Variants in ANKRD17 observed in about 807,000 individuals in gnomAD.
The protein encoded by ANKRD17 is ankyrin repeat domain 17.
In ANKRD17, 19 loss-of-function variants were observed where a neutral mutation model predicts 229.7. The ratio of observed to expected loss-of-function variants is 0.08; its 90% CI spans 0.06 to 0.12. The LOEUF (loss-of-function observed/expected upper bound fraction) is 0.12, where lower values mean the gene tolerates loss of function less well. Ranked by LOEUF, ANKRD17 falls within the 10% of genes least tolerant of loss-of-function variation. The pLI, the probability that ANKRD17 is intolerant of heterozygous loss-of-function variation, is 1.00. For missense variants in ANKRD17, 2,176 were observed against 3,176.8 expected, an observed-to-expected ratio of 0.68 and a Z score of 7.57; for synonymous variants, 1,112 against 1,146.1, an observed-to-expected ratio of 0.97 and a Z score of 0.60.
At chr4:73,232,880 G>A (rs1462572142) in intron 1 of ANKRD17, among the ~76,000 whole-genome samples, 3 of 151,882 alleles carry the variant, frequency 2.0e-5, no homozygotes, top group Non-Finnish European at 2.9e-5. Context: ...CAGCTACCAC[G>A]CCCAGCTAAT....
At chr4:73,104,351 T>C (rs1724361948) in intron 24 of ANKRD17, among the ~76,000 whole-genome samples, 1 of 152,154 alleles carries the variant, frequency 6.6e-6, no homozygotes, top group South Asian at 2.1e-4. Context: ...ATTTGAGCCT[T>C]GCTTATGTGT....
rs1721113840 is a variant in ANKRD17, at chr4:73,077,490, G to C, written c.7452C>G (p.Ile2484Met). ...WCNPGMGNPM[I>M]HRPMSDPGVF... The stretch of plus-strand genomic sequence containing the variant: ...CTCCTGGGTCAGACATCGGTCTGTG[G>C]ATCATAGGATTTCCCATCCCAGGGT... Residue 2484 changes from isoleucine (I) to methionine (M), a missense_variant, in exon 32 of 34, where the codon ATC (isoleucine) becomes ATG (methionine). Physicochemically the swap from Ile to Met is conservative, Grantham distance 10 (BLOSUM62 1). This residue lies in a region of ANKRD17 where 159 missense variants were observed against 214.3 expected (regional missense o/e 0.74). Transcript: ENST00000358602. 6.2e-7 allele frequency: 1 copy of C among 1,612,314 alleles called. No individual in the cohort carries two copies. Among genetic ancestry groups the C allele is most frequent in the Non-Finnish European group, 8.5e-7 (1 of 1,179,282 alleles).
At chr4:73,166,240 A>G (rs1385288044) in intron 2 of ANKRD17, among the ~76,000 whole-genome samples, 1 of 152,254 alleles carries the variant, frequency 6.6e-6, no homozygotes, top group Non-Finnish European at 1.5e-5. Flanking sequence ...AGAAAATCTT[A>G]AATATGAAAA....
intron 15 of ANKRD17, among the ~76,000 whole-genome samples, chr4:73,138,815 A>G (rs939382803): frequency 6.6e-6 from 1 of 152,154 alleles, no homozygotes; most frequent in Non-Finnish European, 1.5e-5. Context: ...AGAAGCATAA[A>G]AACAGTCTTC....
At chr4:73,256,141 C>T (rs1482185551) in intron 1 of ANKRD17, among the ~76,000 whole-genome samples, 1 of 152,124 alleles carries the variant, frequency 6.6e-6, no homozygotes, top group East Asian at 1.9e-4. Context: ...AGAAATACTA[C>T]CATAGTTGGT....
intron 24 of ANKRD17, among the ~76,000 whole-genome samples, chr4:73,111,405 G>A (rs2148652564): frequency 6.6e-6 from 1 of 152,262 alleles, no homozygotes; most frequent in South Asian, 2.1e-4. Flanking sequence ...TCATGTCCCA[G>A]GTGGGACAGA....
chr4:73,129,062 A>G (rs1350617050), intron 16 of ANKRD17, among the ~76,000 whole-genome samples: 2 of 152,218 alleles, frequency 1.3e-5, no homozygotes, highest in Non-Finnish European at 2.9e-5. Flanking sequence ...TCAAGAAGTT[A>G]TATTCCTTGT....
At chr4:73,171,971 AG>A (rs1329527816) in intron 2 of ANKRD17, among the ~76,000 whole-genome samples, 1 of 152,198 alleles carries the variant, frequency 6.6e-6, no homozygotes, top group Non-Finnish European at 1.5e-5. Flanking sequence ...CTTAAAGAGG[AG>A]GTAAAGAAAG....
chr4:73,133,981 G>A (rs910875621), intron 16 of ANKRD17, among the ~76,000 whole-genome samples: 1 of 152,186 alleles, frequency 6.6e-6, no homozygotes, highest in African/African-American at 2.4e-5. Flanking sequence ...GATATTAAGA[G>A]TAGCTACATC....
intron 18 of ANKRD17, among the ~76,000 whole-genome samples, 176 bp downstream of exon 18, chr4:73,124,737 G>C (rs1019541754): frequency 1.3e-5 from 2 of 152,118 alleles, no homozygotes; most frequent in Non-Finnish European, 2.9e-5. Flanking sequence ...TGATTTTTCT[G>C]GCAAGATAGC....
intron 1 of ANKRD17, among the ~76,000 whole-genome samples, chr4:73,199,864 A>T (rs554930685): frequency 2.0e-5 from 3 of 152,322 alleles, no homozygotes; most frequent in Non-Finnish European, 4.4e-5. Context: ...ACATTAGTAT[A>T]TGTCCTTTCT....
intron 2 of ANKRD17, among the ~76,000 whole-genome samples, chr4:73,167,480 C>T (rs1284235182): frequency 6.6e-6 from 1 of 152,186 alleles, no homozygotes; most frequent in Non-Finnish European, 1.5e-5. Context: ...TTCCGTGTAA[C>T]ATCTTTGAAT....
chr4:73,150,466 C>T (rs150356171), intron 7 of ANKRD17, among the ~76,000 whole-genome samples: 4 of 152,132 alleles, frequency 2.6e-5, no homozygotes, highest in African/African-American at 9.6e-5. Context: ...CTCATTTAAT[C>T]CTCACAACTC....
intron 24 of ANKRD17, 75 bp from the exon 25 acceptor site, chr4:73,102,622 A>G: frequency 6.7e-7 from 1 of 1,495,286 alleles, no homozygotes; most frequent in Non-Finnish European, 9.0e-7. Context: ...TAATCATTTA[A>G]TCATAAGGAA....
rs143868014 is a variant in ANKRD17 at position 73,078,827 on chromosome 4, G to C, written c.7223C>G (p.Pro2408Arg). Residue 2408 changes from proline to arginine, a missense_variant, in exon 31 of 34, where the codon CCG (proline) becomes CGG (arginine). Pro to Arg is a moderately radical substitution (Grantham distance 103, BLOSUM62 -2). Around this residue, in one of 18 missense-constraint regions of ANKRD17, gnomAD observed 87 missense variants for 116.0 expected, o/e 0.75. Coordinates refer to ENST00000358602, the MANE Select transcript of ANKRD17 (RefSeq NM_032217.5). ...ATTGCTGGGCTTTTCTGACCCTAAC[G>C]GTACTGATGATGGGGCAGGAGATGG... ...RAPSPAPSSV[P>R]LGSEKPSNVS... 1 of 1,613,966 alleles carries C rather than the reference G, an allele frequency of 6.2e-7. No homozygotes were observed. Among genetic ancestry groups the C allele is most frequent in the Non-Finnish European group, 8.5e-7 (1 of 1,180,008 alleles).
intron 33 of ANKRD17, 79 bp downstream of exon 33, chr4:73,076,861 A>G: frequency 6.8e-7 from 1 of 1,479,374 alleles, no homozygotes; most frequent in Non-Finnish European, 9.1e-7. Flanking sequence ...TCTTGCTATC[A>G]TGAGTTACCT....
intron 1 of ANKRD17, among the ~76,000 whole-genome samples, chr4:73,184,659 T>C (rs1409027633): frequency 3.3e-5 from 5 of 151,956 alleles, no homozygotes; most frequent in South Asian, 2.1e-4. Flanking sequence ...AGGCTACTCA[T>C]TGGATTATAC....
At chr4:73,125,878 T>C (rs1484604202) in intron 16 of ANKRD17, among the ~76,000 whole-genome samples, 2 of 152,132 alleles carry the variant, frequency 1.3e-5, no homozygotes, top group African/African-American at 4.8e-5. Context: ...AGAAATACTG[T>C]GGATTAACTT....
chr4:73,224,437 G>C (rs1446272043), intron 1 of ANKRD17, among the ~76,000 whole-genome samples: 6 of 151,964 alleles, frequency 3.9e-5, no homozygotes, highest in Admixed American at 3.9e-4. Context: ...AACTGCTCTA[G>C]GTGCAGTCAA....
Sources: gnomAD v4.1 joint callset for allele counts (sites outside exome capture counted in the v4.1 genomes callset) on GRCh38, gnomAD v4.1.1 for gene constraint, gnomAD v4.1.1 regional missense constraint, MANE v1.5 for transcripts, NCBI Gene and HGNC (gene_info 2026-07-23, HGNC 2026-07-21) for gene names.